The following AFF1 variants were observed in gnomAD, a reference collection of about 807,000 sequenced individuals.
AFF1 encodes the protein ALF transcription elongation factor 1.
AFF1 carries 48 observed loss-of-function variants against 121.7 expected under a neutral mutation model. The observed-to-expected ratio is 0.39, with a 90% CI of 0.31 to 0.50. The LOEUF is 0.50. Ranked by LOEUF, AFF1 falls within the 20% of genes least tolerant of loss-of-function variation. AFF1 has a pLI of 0.76. For missense variants in AFF1, 1,523 were observed against 1,511.7 expected, an observed-to-expected ratio of 1.01 and a Z score of -0.12; for synonymous variants, 613 against 563.0, an observed-to-expected ratio of 1.09 and a Z score of -1.26.
chr4:87,120,730 C>T (rs573752363), intron 12 of AFF1, among the ~76,000 whole-genome samples: 2 of 152,348 alleles, frequency 1.3e-5, no homozygotes, highest in East Asian at 1.9e-4. Flanking sequence ...CACATTCCTA[C>T]TCCACTTTAG....
intron 2 of AFF1, among the ~76,000 whole-genome samples, chr4:86,995,296 C>T (rs1471584337): frequency 4.9e-5 from 6 of 122,954 alleles, no homozygotes; most frequent in African/African-American, 1.9e-4. Flanking sequence ...CTCCCCCTCT[C>T]CCTCCCTCCC....
rs913338589 is a variant in AFF1 at position 87,125,046 on chromosome 4, G to A, written c.2476G>A (p.Glu826Lys). 2.5e-6 allele frequency: 4 copies of A among 1,603,458 alleles called. No individual in the cohort carries two copies. In the Admixed American group the frequency reaches 5.1e-5, roughly 20 times the overall value. Residue 826 changes from glutamate (E) to lysine (K), a missense_variant, in exon 13 of 21, where the codon GAA becomes AAA. This residue lies in a region of AFF1 where 905 missense variants were observed against 842.5 expected (regional missense o/e 1.07). Coordinates refer to ENST00000395146, the MANE Select transcript of AFF1 (RefSeq NM_001166693.3). ...GATTATACTGTAATAGGGTGAAGCA[G>A]AAAGAGACTGTGATAACAAGAAAAT... is the stretch of plus-strand genomic sequence containing the variant. Reference protein sequence around the residue: ...KLAKKRKGEAERDCDNKKIRL... With the variant: ...KLAKKRKGEAKRDCDNKKIRL...
intron 11 of AFF1, among the ~76,000 whole-genome samples, chr4:87,111,591 T>C (rs1032811317): frequency 6.6e-6 from 1 of 152,086 alleles, no homozygotes; most frequent in Admixed American, 6.5e-5. Context: ...TGACCTCAAG[T>C]GATCCACCCA....
rs200862184 is a variant in AFF1 at position 86,986,035 on chromosome 4, C to T, written c.38+37464C>T. Among the ~76,000 whole-genome samples, 157 of 137,708 alleles carry T rather than the reference C, an allele frequency of 1.1e-3. 1 individual carries two copies. Among genetic ancestry groups the T allele is most frequent in the Middle Eastern group, 7.3e-3 (2 of 274 alleles). 90.3% of individuals were successfully genotyped at this position (137,708 alleles called of 152,430 possible). A position where few individuals can be genotyped will look rare whatever the true frequency, so the allele number is the denominator to read the frequency against. On this transcript the variant is annotated intron_variant, in intron 2 of 20. Coordinates refer to ENST00000395146, the MANE Select transcript of AFF1 (RefSeq NM_001166693.3). ...TGAATCCTTTTTTTAAAATTTAATT[C>T]AATTCAATTTAATTTAATTTAATTT... is the stretch of plus-strand genomic sequence containing the variant.
chr4:87,029,087 A>G (rs1314316979), intron 2 of AFF1, among the ~76,000 whole-genome samples: 1 of 152,188 alleles, frequency 6.6e-6, no homozygotes, highest in Non-Finnish European at 1.5e-5. Context: ...GAAATCGGGC[A>G]GGTTGTAATT....
chr4:87,057,915 C>A (rs985553498), intron 4 of AFF1, among the ~76,000 whole-genome samples: 8 of 151,978 alleles, frequency 5.3e-5, no homozygotes, highest in African/African-American at 1.9e-4. Context: ...ACCATCCCCA[C>A]CCCTGCCTGA....
chr4:86,951,648 G>T, intron 2 of AFF1, among the ~76,000 whole-genome samples: 2 of 111,662 alleles, frequency 1.8e-5, no homozygotes, highest in African/African-American at 5.6e-5. Context: ...TTTTGAGACG[G>T]AGTCTCCCTC....
At chr4:87,107,968 A>G (rs1457886767) in intron 10 of AFF1, among the ~76,000 whole-genome samples, 191 bp from the exon 11 acceptor site, 1 of 152,170 alleles carries the variant, frequency 6.6e-6, no homozygotes, top group Non-Finnish European at 1.5e-5. Context: ...TTTATCTGGC[A>G]ATCAGTTTTC....
Position 87,138,028 on chromosome 4 carries a change from GT to G in AFF1, c.*2340del, listed in dbSNP as rs34387408. 0.016 allele frequency: 3,224 copies of G among 207,878 alleles called. 6 individuals are homozygous for G. Among genetic ancestry groups the G allele is most frequent in the East Asian group, 0.035 (469 of 13,262 alleles). 12.9% of individuals were successfully genotyped at this position (207,878 alleles called of 1,614,324 possible). On this transcript the variant is annotated 3_prime_UTR_variant, in exon 21 of 21. Coordinates refer to ENST00000395146, the MANE Select transcript of AFF1 (RefSeq NM_001166693.3). ...TTTTCAGTGGCCTTACTCTTTGTGG[GT>G]TTTTTTTTTTTTCTCTGAACTTGAT...
intron 2 of AFF1, among the ~76,000 whole-genome samples, chr4:86,993,258 TAGTTGATG>T (rs1724869049): frequency 6.6e-6 from 1 of 152,218 alleles, no homozygotes. Context: ...AAAGTGCCAG[TAGTTGATG>T]TAACCTCTTT....
At chr4:87,007,346 A>T in intron 2 of AFF1, 1 of 1,610,868 alleles carries the variant, frequency 6.2e-7, no homozygotes, top group Admixed American at 1.7e-5. Context: ...CGGCGCTGGC[A>T]GCAGGGCCCG....
intron 2 of AFF1, among the ~76,000 whole-genome samples, chr4:86,977,138 C>T (rs1417899378): frequency 2.6e-5 from 4 of 152,152 alleles, no homozygotes; most frequent in African/African-American, 9.7e-5. Flanking sequence ...CCATATGAGA[C>T]AGATACATTC....
chr4:87,051,632 T>C (rs997420241), intron 4 of AFF1, among the ~76,000 whole-genome samples: 1 of 151,908 alleles, frequency 6.6e-6, no homozygotes, highest in Admixed American at 6.6e-5. Context: ...GGCTAATTTT[T>C]TGTGTATATA....
rs1482003177 is a variant in AFF1 at position 87,138,446 on chromosome 4, TAAG to T, written c.*2746_*2748del. ...AGAGTAAGACAAATGCAAAGCATCT[TAAG>T]GAGTGAAAATAGAGTGTAAATCTTG... On this transcript the variant is annotated 3_prime_UTR_variant, in exon 21 of 21. Coordinates refer to ENST00000395146, the MANE Select transcript of AFF1 (RefSeq NM_001166693.3). 11 of 232,704 alleles carry T rather than the reference TAAG, an allele frequency of 4.7e-5. No individual in the cohort carries two copies. The highest frequency in any genetic ancestry group is 2.3e-4 in the Admixed American group (4 of 17,768). The allele number at this position is 232,704 out of a possible 1,614,324, so 14.4% of individuals were successfully genotyped here.
intron 4 of AFF1, among the ~76,000 whole-genome samples, chr4:87,077,499 T>TA (rs1296451075): frequency 6.6e-6 from 1 of 152,190 alleles, no homozygotes; most frequent in African/African-American, 2.4e-5. Flanking sequence ...GTGTTTTTAG[T>TA]AATGAATAGG....
intron 2 of AFF1, among the ~76,000 whole-genome samples, chr4:86,983,833 C>G (rs1005127807): frequency 6.6e-6 from 1 of 151,910 alleles, no homozygotes; most frequent in East Asian, 1.9e-4. Context: ...GTCAAGAGAT[C>G]GAGACCATCC....
chr4:87,043,564 T>C (rs1730370338), intron 2 of AFF1, among the ~76,000 whole-genome samples: 1 of 152,208 alleles, frequency 6.6e-6, no homozygotes, highest in Non-Finnish European at 1.5e-5. Context: ...ATTGAAGGAA[T>C]TGAGTGTCAT....
At chr4:87,065,508 G>A (rs1416942179) in intron 4 of AFF1, among the ~76,000 whole-genome samples, 1 of 83,220 alleles carries the variant, frequency 1.2e-5, no homozygotes, top group East Asian at 5.5e-4. Context: ...ATGAGGTGAG[G>A]TTAAAAAAAA....
intron 16 of AFF1, among the ~76,000 whole-genome samples, chr4:87,130,684 A>C (rs1728743492): frequency 6.6e-6 from 1 of 152,232 alleles, no homozygotes; most frequent in Non-Finnish European, 1.5e-5. Flanking sequence ...TTTCTTTTTA[A>C]TAAACTTCAG....
Sources: gnomAD v4.1 joint callset for allele counts (sites outside exome capture counted in the v4.1 genomes callset) on GRCh38, gnomAD v4.1.1 for gene constraint, gnomAD v4.1.1 regional missense constraint, MANE v1.5 for transcripts, NCBI Gene and HGNC (gene_info 2026-07-23, HGNC 2026-07-21) for gene names.